The following DAB1 variants were observed in gnomAD, a reference collection of about 807,000 sequenced individuals.
DAB1 encodes the protein DAB adaptor protein 1, also known as disabled homolog 1.
Under a neutral mutation model 64.6 loss-of-function variants are expected in DAB1, and 15 were observed. The observed-to-expected ratio is 0.23, with a 90% CI of 0.16 to 0.36. The LOEUF (loss-of-function observed/expected upper bound fraction) is 0.36. DAB1 is among the 10% of genes least tolerant of loss of function. The probability of loss-of-function intolerance (pLI) is 1.00; values close to 1 mark genes in which losing one functional copy is unlikely to be tolerated. For missense variants in DAB1, 596 were observed against 706.7 expected, an observed-to-expected ratio of 0.84 and a Z score of 1.78; for synonymous variants, 235 against 251.9, an observed-to-expected ratio of 0.93 and a Z score of 0.64.
chr1:57,454,919 T>C (rs989459909), intron 7 of DAB1, among the ~76,000 whole-genome samples: 6 of 152,078 alleles, frequency 3.9e-5, no homozygotes, highest in Non-Finnish European at 7.4e-5. Context: ...GAGAATGTAA[T>C]AAAATAATTT....
chr1:58,540,117 A>G (rs1455780004), intron 1 of DAB1, among the ~76,000 whole-genome samples: 1 of 152,128 alleles, frequency 6.6e-6, no homozygotes, highest in Admixed American at 6.5e-5. Flanking sequence ...CCCACCATTC[A>G]AAGTGGAAAA....
chr1:57,460,755 C>T (rs1255997302), intron 7 of DAB1, among the ~76,000 whole-genome samples: 1 of 152,104 alleles, frequency 6.6e-6, no homozygotes, highest in East Asian at 1.9e-4. Context: ...TTCGCCAGCC[C>T]TCGGCCACAA....
intron 5 of DAB1, among the ~76,000 whole-genome samples, chr1:58,137,964 G>A (rs1010503569): frequency 6.6e-6 from 1 of 152,148 alleles, no homozygotes; most frequent in African/African-American, 2.4e-5. Context: ...TCTGACATTT[G>A]AGGGTTGGTC....
intron 7 of DAB1, among the ~76,000 whole-genome samples, chr1:57,551,293 G>A (rs1644911675): frequency 6.6e-6 from 1 of 152,170 alleles, no homozygotes; most frequent in Admixed American, 6.5e-5. Context: ...CCATTAAATA[G>A]ATGTCTATAA....
At chr1:58,360,115 T>A (rs967360648) in intron 3 of DAB1, among the ~76,000 whole-genome samples, 6 of 152,148 alleles carry the variant, frequency 3.9e-5, no homozygotes, top group Admixed American at 1.3e-4. Flanking sequence ...AAAGGTTGTG[T>A]TCTAGTGGGG....
chr1:58,361,433 A>T (rs1360355842), intron 3 of DAB1, among the ~76,000 whole-genome samples: 2 of 152,126 alleles, frequency 1.3e-5, no homozygotes, highest in East Asian at 3.9e-4. Context: ...GTTTGTCTGT[A>T]TCTCTTTTTA....
intron 7 of DAB1, among the ~76,000 whole-genome samples, chr1:57,543,429 T>C (rs547797928): frequency 1.3e-5 from 2 of 152,316 alleles, no homozygotes; most frequent in Admixed American, 6.5e-5. Flanking sequence ...TAGTAATTTC[T>C]TAGGTTCCTG....
At chr1:58,238,295 C>T (rs994358927) in intron 4 of DAB1, among the ~76,000 whole-genome samples, 1 of 151,730 alleles carries the variant, frequency 6.6e-6, no homozygotes, top group Non-Finnish European at 1.5e-5. Context: ...ACAAAGAATG[C>T]TTCCCAGAGG....
At chr1:58,441,334 C>T (rs1296876373) in intron 3 of DAB1, among the ~76,000 whole-genome samples, 1 of 152,202 alleles carries the variant, frequency 6.6e-6, no homozygotes, top group Non-Finnish European at 1.5e-5. Context: ...GGCAGCCTGG[C>T]TCCAGAGCCC....
At chr1:58,300,670 A>G (rs1662147401) in intron 4 of DAB1, among the ~76,000 whole-genome samples, 1 of 132,490 alleles carries the variant, frequency 7.5e-6, no homozygotes, top group African/African-American at 3.1e-5. Context: ...GGAAGGAAGG[A>G]AGGAAGGAAG....
At chr1:58,129,732 G>C (rs1653395802) in intron 5 of DAB1, among the ~76,000 whole-genome samples, 1 of 150,896 alleles carries the variant, frequency 6.6e-6, no homozygotes. Context: ...AGTCATTCAG[G>C]AGCAGGTTGT....
chr1:58,483,384 G>A (rs189093067), intron 3 of DAB1, among the ~76,000 whole-genome samples: 101 of 152,274 alleles, frequency 6.6e-4, no homozygotes, highest in African/African-American at 2.3e-3. Context: ...AGTCAGATGC[G>A]AGCCAGATAG....
At position 58,118,503 on chromosome 1, in the gene DAB1, T is replaced by TATATACACAC. The variant is rs1341446315; in HGVS notation, n.387+32007_387+32008insGTGTGTATAT. Among the ~76,000 whole-genome samples the TATATACACAC allele has an allele frequency of 2.8e-3, 148 of 53,062 alleles. 2 individuals carry two copies. The highest frequency in any genetic ancestry group is 9.2e-3 in the African/African-American group (88 of 9,616). The allele number at this position is 53,062 out of a possible 152,430, so 34.8% of individuals were successfully genotyped here. ...ATATATATATATATATATATATATATACACACACACACACACACATATATA... is the reference window on the plus strand; with the variant it reads ...ATATATATATATATATATATATATATATATACACACACACACACACACACACACATATATA... On this transcript the variant is annotated intron_variant and non_coding_transcript_variant, in intron 5 of 20. Coordinates refer to the DAB1 transcript ENST00000485760.
chr1:57,035,210 C>T (rs963374835), intron 9 of DAB1, among the ~76,000 whole-genome samples: 1 of 152,174 alleles, frequency 6.6e-6, no homozygotes, highest in Admixed American at 6.5e-5. Context: ...TCACACACTC[C>T]TAGCAATTTA....
At chr1:57,148,756 T>TTAGG (rs1659384489) in intron 2 of DAB1, among the ~76,000 whole-genome samples, 1 of 152,232 alleles carries the variant, frequency 6.6e-6, no homozygotes, top group Non-Finnish European at 1.5e-5. Flanking sequence ...TGCTCTTGAG[T>TTAGG]TAGGCTCCAT....
chr1:58,519,620 T>C (rs906549684), intron 2 of DAB1, among the ~76,000 whole-genome samples: 1 of 152,096 alleles, frequency 6.6e-6, no homozygotes, highest in African/African-American at 2.4e-5. Flanking sequence ...ACTGTTTATA[T>C]GAAACATCCA....
chr1:58,491,392 A>G lies in DAB1; in HGVS notation n.257+14668T>C, dbSNP rs1340643404. 4.6e-5 allele frequency among the ~76,000 whole-genome samples: 7 copies of G among 152,176 alleles called. No homozygotes were observed. The East Asian group carries it at 7.7e-4, about 17-fold the overall frequency. On this transcript the variant is annotated intron_variant and non_coding_transcript_variant, in intron 3 of 20. Transcript: ENST00000485760. ...AATAACCAGCTAACATCATAATGAC[A>G]GGATCAAATTCACACATAACAATAT...
At chr1:58,480,017 T>C (rs1047781440) in intron 3 of DAB1, among the ~76,000 whole-genome samples, 2 of 152,202 alleles carry the variant, frequency 1.3e-5, no homozygotes, top group Non-Finnish European at 2.9e-5. Flanking sequence ...CTTAGAAATA[T>C]AACCTAAGCA....
chr1:57,606,487 A>G (rs1384058473), intron 7 of DAB1, among the ~76,000 whole-genome samples: 1 of 112,630 alleles, frequency 8.9e-6, no homozygotes, highest in Non-Finnish European at 1.7e-5. Flanking sequence ...TATATAATAC[A>G]TATGAAATAT....
Sources: allele counts gnomAD v4.1 joint callset (sites outside exome capture counted in the v4.1 genomes callset), GRCh38; gene constraint gnomAD v4.1.1; transcripts MANE v1.5; gene names NCBI Gene and HGNC (gene_info 2026-07-23, HGNC 2026-07-21).